The following LINGO2 variants were observed in gnomAD, a reference collection of about 807,000 sequenced individuals.
The protein encoded by LINGO2 is leucine-rich repeat and immunoglobulin-like domain-containing nogo receptor-interacting protein 2.
LINGO2 carries 14 observed loss-of-function variants against 30.6 expected under a neutral mutation model. The ratio of observed to expected loss-of-function variants is 0.46; its 90% CI spans 0.30 to 0.72. The LOEUF (loss-of-function observed/expected upper bound fraction) is 0.72, where lower values mean the gene tolerates loss of function less well. Among genes scored for constraint, LINGO2 ranks in the 30% least tolerant of loss-of-function variants. The probability of loss-of-function intolerance (pLI) is 0.07; values close to 1 mark genes in which losing one functional copy is unlikely to be tolerated. For synonymous variants in LINGO2, 317 were observed against 288.5 expected (o/e 1.10, Z -1.00); for missense variants, 729 against 751.7 (o/e 0.97, Z 0.35).
chr9:29,113,798 T>C, the LINGO2 span, among the ~76,000 whole-genome samples: 3 of 152,110 alleles, frequency 2.0e-5, no homozygotes, highest in South Asian at 2.1e-4. Context: ...TCCCAAGCAG[T>C]GGTAGTGGTC....
chr9:28,558,073 C>G (rs1446510378), intron 1 of LINGO2, among the ~76,000 whole-genome samples: 1 of 150,430 alleles, frequency 6.6e-6, no homozygotes, highest in Non-Finnish European at 1.5e-5. Flanking sequence ...GTGCAGCACA[C>G]CAGCATGGCA....
intron 3 of LINGO2, among the ~76,000 whole-genome samples, chr9:28,333,977 A>G (rs922931897): frequency 3.3e-5 from 5 of 152,210 alleles, no homozygotes; most frequent in Non-Finnish European, 7.3e-5. Flanking sequence ...GCACAGTAAC[A>G]TTAGCAAAAT....
At chr9:28,495,874 G>A (rs1335948731) in intron 1 of LINGO2, among the ~76,000 whole-genome samples, 1 of 152,082 alleles carries the variant, frequency 6.6e-6, no homozygotes, top group East Asian at 1.9e-4. Context: ...GTTCTCATTG[G>A]TTTCCAGGAA....
chr9:28,916,849 C>T, the LINGO2 span, among the ~76,000 whole-genome samples: 3 of 152,192 alleles, frequency 2.0e-5, no homozygotes, highest in Non-Finnish European at 4.4e-5. Context: ...ATATTCTACA[C>T]TGTGAATAGC....
chr9:27,953,234 T>G (rs1819401053), intron 5 of LINGO2, among the ~76,000 whole-genome samples: 2 of 152,144 alleles, frequency 1.3e-5, no homozygotes, highest in Non-Finnish European at 1.5e-5. Flanking sequence ...TATAGTAGAT[T>G]TAAATATATC....
At chr9:28,247,719 G>A (rs1327061184) in intron 4 of LINGO2, among the ~76,000 whole-genome samples, 3 of 151,940 alleles carry the variant, frequency 2.0e-5, no homozygotes, top group Admixed American at 6.6e-5. Context: ...TTTGTAACAC[G>A]CCTGCATGAT....
chr9:29,001,321 C>T, the LINGO2 span, among the ~76,000 whole-genome samples: 6 of 152,028 alleles, frequency 3.9e-5, no homozygotes, highest in South Asian at 8.3e-4. Flanking sequence ...TGGCTAAACA[C>T]ACTATAATAC....
At chr9:28,559,566 G>A (rs1338334687) in intron 1 of LINGO2, among the ~76,000 whole-genome samples, 5 of 152,024 alleles carry the variant, frequency 3.3e-5, no homozygotes, top group Admixed American at 6.6e-5. Context: ...ATATGACTGT[G>A]TAATAATGGA....
chr9:29,016,816 C>T, the LINGO2 span, among the ~76,000 whole-genome samples: 1 of 152,114 alleles, frequency 6.6e-6, no homozygotes, highest in Non-Finnish European at 1.5e-5. Flanking sequence ...AATTTAATAG[C>T]CAAAAACTCA....
chr9:28,598,175 T>G (rs2135734190), intron 1 of LINGO2, among the ~76,000 whole-genome samples: 1 of 152,206 alleles, frequency 6.6e-6, no homozygotes, highest in Middle Eastern at 3.4e-3. Context: ...CACACTTAAT[T>G]CCAAAGGAAA....
the LINGO2 span, among the ~76,000 whole-genome samples, chr9:29,113,496 A>G: frequency 1.3e-5 from 2 of 152,310 alleles, no homozygotes; most frequent in African/African-American, 4.8e-5. Context: ...TTGTGCCCTA[A>G]TTGAAGACTA....
chr9:28,174,706 G>C (rs1439693699), intron 4 of LINGO2, among the ~76,000 whole-genome samples: 2 of 152,142 alleles, frequency 1.3e-5, no homozygotes, highest in Non-Finnish European at 2.9e-5. Flanking sequence ...GTGAATGCAT[G>C]AACACTTTTT....
chr9:28,656,892 C>A lies in LINGO2; in HGVS notation c.-365+13308G>T, dbSNP rs549718800. Among the ~76,000 whole-genome samples, 3 of 152,178 alleles carry A rather than the reference C, an allele frequency of 2.0e-5. No individual in the cohort carries two copies. The South Asian group carries it at 6.2e-4, about 32-fold the overall frequency. Reference sequence around the variant, plus strand: ...AATTAAATAGCTTCACCCTTGCTCTCTCTCCTAGATCGTGCACACTGAGGA... The same window carrying A: ...AATTAAATAGCTTCACCCTTGCTCTATCTCCTAGATCGTGCACACTGAGGA... On this transcript the variant is annotated intron_variant, in intron 1 of 5. Transcript: ENST00000379992.
intron 2 of LINGO2, among the ~76,000 whole-genome samples, chr9:28,430,205 T>A (rs1224410145): frequency 6.6e-6 from 1 of 152,102 alleles, no homozygotes; most frequent in East Asian, 1.9e-4. Flanking sequence ...TGGAGCATAG[T>A]GTAGAAGAAG....
At chr9:28,314,295 T>TAC (rs989191208) in intron 3 of LINGO2, among the ~76,000 whole-genome samples, 96 of 152,184 alleles carry the variant, frequency 6.3e-4, no homozygotes, top group Non-Finnish European at 1.2e-3. Flanking sequence ...ATACTACACT[T>TAC]AAATGCAGCT....
At chr9:27,981,353 C>T (rs1820843959) in intron 5 of LINGO2, among the ~76,000 whole-genome samples, 1 of 150,986 alleles carries the variant, frequency 6.6e-6, no homozygotes, top group Admixed American at 6.6e-5. Flanking sequence ...GGTAACTTTC[C>T]CCTTATCACA....
At chr9:28,308,091 A>C (rs1349427415) in intron 3 of LINGO2, among the ~76,000 whole-genome samples, 1 of 143,760 alleles carries the variant, frequency 7.0e-6, no homozygotes, top group African/African-American at 2.5e-5. Context: ...TTTAAAGTTC[A>C]TATGGAACCA....
intron 4 of LINGO2, among the ~76,000 whole-genome samples, chr9:28,206,480 A>C (rs1438612380): frequency 6.6e-6 from 1 of 152,200 alleles, no homozygotes; most frequent in Non-Finnish European, 1.5e-5. Flanking sequence ...TGCACTGTCC[A>C]AGGTTTCAAA....
At chr9:27,999,882 C>T (rs1197941) in intron 5 of LINGO2, among the ~76,000 whole-genome samples, 29,900 of 151,964 alleles carry the variant, frequency 0.2, 3,255 homozygotes, top group African/African-American at 0.31. Context: ...AAACCACAAT[C>T]ACTTTTGCAC....
Sources: allele counts gnomAD v4.1 joint callset (sites outside exome capture counted in the v4.1 genomes callset), GRCh38; gene constraint gnomAD v4.1.1; transcripts MANE v1.5; gene names NCBI Gene and HGNC (gene_info 2026-07-23, HGNC 2026-07-21).